SMARCC2: variants seen among roughly 807,000 people sequenced by gnomAD.
SMARCC2 encodes the protein SWI/SNF related BAF chromatin remodeling complex subunit C2.
A neutral mutation model predicts 151.3 loss-of-function variants in SMARCC2; 15 were observed. That is an observed-to-expected ratio of 0.10 (90% confidence interval 0.07 to 0.15). SMARCC2 has a LOEUF of 0.15. Ranked by LOEUF, SMARCC2 falls within the 10% of genes least tolerant of loss-of-function variation. The pLI is 1.00. For synonymous variants in SMARCC2, 590 were observed against 609.5 expected, an observed-to-expected ratio of 0.97 and a Z score of 0.47; for missense variants, 1,031 against 1,599.7, an observed-to-expected ratio of 0.64 and a Z score of 6.06.
chr12:56,181,719 C>G lies in SMARCC2; in HGVS notation c.825G>C (p.Lys275Asn), dbSNP rs1876248163. ...PVSRRKKISA[K>N]TLTDEVNSPD... ...GATTTGTCACCTCATCTGTCAGTGT[C>G]TTGGCTGAAATCTTCTTTCGGCGGG... The change falls in exon 9 of 29, where the codon AAG (lysine) becomes AAC (asparagine). Residue 275 changes from lysine (K) to asparagine (N), a missense_variant. Around this residue, in one of 12 missense-constraint regions of SMARCC2, gnomAD observed 123 missense variants for 190.4 expected, o/e 0.65. Coordinates refer to ENST00000550164, the MANE Select transcript of SMARCC2 (RefSeq NM_001330288.2). 1 of 1,614,048 alleles carries G rather than the reference C, an allele frequency of 6.2e-7. No individual in the cohort carries two copies. Among genetic ancestry groups the G allele is most frequent in the South Asian group, 1.1e-5 (1 of 91,092 alleles).
In SMARCC2 at chr12:56,167,377, T is replaced by A. The variant is rs543642652; in HGVS notation, c.2850+683A>T. On this transcript the variant is annotated intron_variant, in intron 26 of 28. Transcript: ENST00000550164. ...TAAATAAATAAATAAATAAATAAAA[T>A]AAATTGTTGAGACAGAGATCTCACT... Among the ~76,000 whole-genome samples, 556 of 151,632 alleles carry A rather than the reference T, an allele frequency of 3.7e-3. 9 individuals carry two copies. Among genetic ancestry groups the A allele is most frequent in the Middle Eastern group, 0.034 (10 of 294 alleles).
intron 3 of SMARCC2, 89 bp from the exon 4 acceptor site, chr12:56,185,200 A>C: frequency 9.7e-7 from 1 of 1,035,608 alleles, no homozygotes; most frequent in Non-Finnish European, 1.5e-6. Context: ...GTTTTTTGAG[A>C]TGGAGTCTTG....
At chr12:56,185,179 C>T in intron 3 of SMARCC2, 68 bp from the exon 4 acceptor site, 6 of 1,321,228 alleles carry the variant, frequency 4.5e-6, no homozygotes, top group Non-Finnish European at 5.4e-6. Flanking sequence ...GGGCACGTGA[C>T]TTTTTTGTTT....
At position 56,170,138 on chromosome 12, in the gene SMARCC2, C is replaced by CT; in HGVS notation, c.2412+5dup. 6.2e-7 allele frequency: 1 copy of CT among 1,612,526 alleles called. No individual in the cohort carries two copies. Among genetic ancestry groups the CT allele is most frequent in the Non-Finnish European group, 8.5e-7 (1 of 1,178,534 alleles). On this transcript the variant is annotated splice_donor_region_variant and intron_variant, in intron 23 of 28. Coordinates refer to ENST00000550164, the MANE Select transcript of SMARCC2 (RefSeq NM_001330288.2). The stretch of plus-strand genomic sequence containing the variant: ...GCCCCTGCAGCTTCCAGAAATCCCT[C>CT]TATACCTTGGGCTCCTTCTTCTCAT...
At chr12:56,170,724 C>CTT (rs36061638) in intron 22 of SMARCC2, among the ~76,000 whole-genome samples, 273 of 90,874 alleles carry the variant, frequency 3.0e-3, no homozygotes, top group Non-Finnish European at 3.6e-3. Context: ...CTTCACAAGA[C>CTT]TTTTTTTTTT....
chr12:56,173,627 CAGAAAA>C, intron 17 of SMARCC2, 63 bp downstream of exon 17: 2 of 1,428,748 alleles, frequency 1.4e-6, no homozygotes, highest in Admixed American at 2.1e-5. Flanking sequence ...CCCTAAAAAC[CAGAAAA>C]AGAAAAGTTC....
chr12:56,164,347 G>A lies in SMARCC2; in HGVS notation c.3617C>T (p.Ala1206Val). 6.2e-7 allele frequency: 1 copy of A among 1,613,624 alleles called. No individual in the cohort carries two copies. Among genetic ancestry groups the A allele is most frequent in the Non-Finnish European group, 8.5e-7 (1 of 1,180,010 alleles). Reference protein sequence around the residue: ...SAAAQSPAIVAAVQGNLLPSA... With the variant: ...SAAAQSPAIVVAVQGNLLPSA... ...GGGCAGGAGGTTGCCCTGAACAGCT[G>A]CCACAATGGCAGGGCTTTGGGCTGC... Residue 1206 changes from alanine (A) to valine (V), a missense_variant, in exon 28 of 29, where the codon GCA (alanine) becomes GTA (valine). Around this residue, in one of 12 missense-constraint regions of SMARCC2, gnomAD observed 310 missense variants for 350.0 expected, o/e 0.89. Coordinates refer to ENST00000550164, the MANE Select transcript of SMARCC2 (RefSeq NM_001330288.2).
At chr12:56,174,144 C>T (rs1044012240) in intron 16 of SMARCC2, among the ~76,000 whole-genome samples, 1 of 152,056 alleles carries the variant, frequency 6.6e-6, no homozygotes, top group Admixed American at 6.6e-5. Context: ...TTCTTTTTTT[C>T]CCTAAGAGAG....
At chr12:56,182,723 C>A (rs1403907350) in intron 7 of SMARCC2, among the ~76,000 whole-genome samples, 1 of 149,588 alleles carries the variant, frequency 6.7e-6, no homozygotes, top group Non-Finnish European at 1.5e-5. Flanking sequence ...TCCCAAAGTG[C>A]TAGTATTATA....
intron 15 of SMARCC2, among the ~76,000 whole-genome samples, chr12:56,177,377 T>C (rs1285251634): frequency 6.6e-6 from 1 of 152,208 alleles, no homozygotes; most frequent in Non-Finnish European, 1.5e-5. Context: ...CCGAAGTAGC[T>C]GGGACCACAG....
rs915217193 is a variant in SMARCC2, at chr12:56,172,884, C to A, written c.1743+53G>T. On this transcript the variant is annotated intron_variant, in intron 18 of 28. Coordinates refer to ENST00000550164, the MANE Select transcript of SMARCC2 (RefSeq NM_001330288.2). The stretch of plus-strand genomic sequence containing the variant: ...CATGTCTCTTCTTCCCGGGCAGGGG[C>A]CCCCCAATAAAGGGGAAAATGAGCA... 2.5e-6 allele frequency: 4 copies of A among 1,587,992 alleles called. No homozygotes were observed. In the Admixed American group the frequency reaches 5.0e-5, roughly 20 times the overall value.
chr12:56,184,483 T>A, intron 5 of SMARCC2: 1 of 561,846 alleles, frequency 1.8e-6, no homozygotes, highest in Non-Finnish European at 3.2e-6. Context: ...AATCTATACA[T>A]GGGAAATTTA....
In SMARCC2 at chr12:56,164,502, G is replaced by A. The variant is rs771557616; in HGVS notation, c.3462C>T (p.Leu1154=). The change falls in exon 28 of 29, where the codon CTC becomes CTT. Residue 1154 remains leucine (L), a synonymous_variant. Coordinates refer to ENST00000550164, the MANE Select transcript of SMARCC2 (RefSeq NM_001330288.2). ...GGGGGAGAGTGCCCGGGGCGAACGG[G>A]AGATGGTGGTGATGCCCATGCAGGT... The part of the protein sequence containing the change: ...PPNLHGHHHH[L]PFAPGTLPPP... 15 of 1,614,212 alleles carry A rather than the reference G, an allele frequency of 9.3e-6. No individual in the cohort carries two copies. The highest frequency in any genetic ancestry group is 1.3e-5 in the Non-Finnish European group (15 of 1,180,042).
chr12:56,163,654 CA>C lies in SMARCC2; in HGVS notation c.*34del, dbSNP rs1466522448. 7 of 1,301,634 alleles carry C rather than the reference CA, an allele frequency of 5.4e-6. No individual in the cohort carries two copies. Among genetic ancestry groups the C allele is most frequent in the Non-Finnish European group, 7.3e-6 (7 of 962,640 alleles). 80.6% of individuals were successfully genotyped at this position (1,301,634 alleles called of 1,614,324 possible). A position where few individuals can be genotyped will look rare whatever the true frequency, so the allele number is the denominator to read the frequency against. On this transcript the variant is annotated 3_prime_UTR_variant, in exon 29 of 29. Coordinates refer to ENST00000550164, the MANE Select transcript of SMARCC2 (RefSeq NM_001330288.2). ...GCTGTTCCTGGAACCGTGATGTCCA[CA>C]GGGGGTGAGGGGGAGAGATGTCTGG...
chr12:56,173,579 G>T, intron 17 of SMARCC2, 117 bp downstream of exon 17: 1 of 924,942 alleles, frequency 1.1e-6, no homozygotes, highest in Non-Finnish European at 1.6e-6. Context: ...TGCATCCCAT[G>T]GAAAAGGAAG....
intron 7 of SMARCC2, among the ~76,000 whole-genome samples, chr12:56,183,150 T>A (rs1876568208): frequency 6.6e-6 from 1 of 151,788 alleles, no homozygotes; most frequent in African/African-American, 2.4e-5. Context: ...TACGTGCTAT[T>A]TTTTGTTTTG....
At chr12:56,178,242 G>A in intron 14 of SMARCC2, 149 bp from the exon 15 acceptor site, 1 of 930,376 alleles carries the variant, frequency 1.1e-6, no homozygotes, top group South Asian at 1.6e-5. Flanking sequence ...CAGGCTGTAA[G>A]ACTCAAAAGG....
intron 10 of SMARCC2, 109 bp from the exon 11 acceptor site, chr12:56,181,210 G>A: frequency 4.5e-6 from 5 of 1,100,694 alleles, no homozygotes; most frequent in South Asian, 1.5e-5. Context: ...GGGTAGAGCT[G>A]AGTACAAACA....
In SMARCC2 at chr12:56,184,719, T is replaced by C. The variant is rs1011799278; in HGVS notation, c.492+125A>G. 1.2e-5 allele frequency: 8 copies of C among 642,972 alleles called. 1 individual carries two copies. The highest frequency in any genetic ancestry group is 1.1e-4 in the South Asian group (6 of 52,636). 39.8% of individuals were successfully genotyped at this position (642,972 alleles called of 1,614,324 possible). ...GACTCAAGGCTTTAACTCAAGTCTT[T>C]TTCCAAGTAGACAGAGCCACCTCTG... is the stretch of plus-strand genomic sequence containing the variant. On this transcript the variant is annotated intron_variant, in intron 5 of 28. Coordinates refer to ENST00000550164, the MANE Select transcript of SMARCC2 (RefSeq NM_001330288.2).
Sources: gnomAD v4.1 joint callset for allele counts (sites outside exome capture counted in the v4.1 genomes callset) on GRCh38, gnomAD v4.1.1 for gene constraint, gnomAD v4.1.1 regional missense constraint, MANE v1.5 for transcripts, NCBI Gene and HGNC (gene_info 2026-07-23, HGNC 2026-07-21) for gene names.